Variants in AGTPBP1 observed in about 807,000 individuals in gnomAD.
AGTPBP1 encodes cytosolic carboxypeptidase 1.
In AGTPBP1, 70 loss-of-function variants were observed where a neutral mutation model predicts 143.9. That is an observed-to-expected ratio of 0.49 (90% CI 0.40 to 0.59). The LOEUF is 0.59. Ranked by LOEUF, AGTPBP1 falls within the 20% of genes least tolerant of loss-of-function variation. AGTPBP1 has a pLI of 0.00. For missense variants in AGTPBP1, 1,229 were observed against 1,464.5 expected, an observed-to-expected ratio of 0.84 and a Z score of 2.62; for synonymous variants, 463 against 500.2, an observed-to-expected ratio of 0.93 and a Z score of 0.99.
chr9:85,770,262 G>A, the AGTPBP1 span: 2 of 1,438,650 alleles, frequency 1.4e-6, no homozygotes, highest in Non-Finnish European at 9.8e-7. Flanking sequence ...CATTTAAAAT[G>A]AGTGATTTCT....
At chr9:85,776,243 A>G in the AGTPBP1 span, among the ~76,000 whole-genome samples, 1 of 152,264 alleles carries the variant, frequency 6.6e-6, no homozygotes, top group South Asian at 2.1e-4. Context: ...TCTTAGTACA[A>G]GTGTATACAT....
rs1832776026 is a variant in AGTPBP1 at position 85,645,831 on chromosome 9, T to C, written c.1185+490A>G. 3.9e-5 allele frequency among the ~76,000 whole-genome samples: 6 copies of C among 152,168 alleles called. No individual in the cohort carries two copies. In the South Asian group the frequency reaches 1.0e-3, roughly 26 times the overall value. On this transcript the variant is annotated intron_variant, in intron 12 of 25. Transcript: ENST00000357081. The stretch of plus-strand genomic sequence containing the variant: ...TGCCACCTTTACCTAACATCTTATG[T>C]AATATGACAATAATTTTATATTTTC...
chr9:85,789,428 T>C, the AGTPBP1 span, among the ~76,000 whole-genome samples: 1 of 152,334 alleles, frequency 6.6e-6, no homozygotes, highest in African/African-American at 2.4e-5. Flanking sequence ...GTTTGTGGTT[T>C]TCTTTTTTTT....
chr9:85,737,413 C>T (rs890193376), intron 1 of AGTPBP1, among the ~76,000 whole-genome samples: 1 of 152,138 alleles, frequency 6.6e-6, no homozygotes, highest in East Asian at 1.9e-4. Flanking sequence ...ATAAACTGAG[C>T]TTGTCACTTT....
intron 3 of AGTPBP1, among the ~76,000 whole-genome samples, chr9:85,687,122 T>C (rs527624472): frequency 6.6e-6 from 1 of 152,272 alleles, no homozygotes; most frequent in Non-Finnish European, 1.5e-5. Context: ...ACTTTAAGTC[T>C]AGAACTATTA....
chr9:85,559,449 A>G (rs976474200), intron 25 of AGTPBP1, among the ~76,000 whole-genome samples: 1 of 150,314 alleles, frequency 6.7e-6, no homozygotes, highest in Non-Finnish European at 1.5e-5. Flanking sequence ...AAAAAAAAAA[A>G]TCTTTTTTTT....
intron 1 of AGTPBP1, among the ~76,000 whole-genome samples, chr9:85,736,502 T>G (rs1823785455): frequency 6.6e-6 from 1 of 152,230 alleles, no homozygotes; most frequent in Non-Finnish European, 1.5e-5. Context: ...TAGAGAACAC[T>G]GTAGAGCTTA....
At chr9:85,663,882 A>C (rs767495287) in intron 8 of AGTPBP1, among the ~76,000 whole-genome samples, 3 of 152,132 alleles carry the variant, frequency 2.0e-5, no homozygotes, top group Non-Finnish European at 4.4e-5. Context: ...TATTTGTAAC[A>C]GTCAAAAACT....
the AGTPBP1 span, among the ~76,000 whole-genome samples, chr9:85,782,242 C>A: frequency 3.9e-5 from 6 of 152,170 alleles, no homozygotes; most frequent in Admixed American, 1.3e-4. Flanking sequence ...TGGCTAGGTG[C>A]GGTGGCTCAT....
At chr9:85,719,294 A>G (rs1837943168) in intron 1 of AGTPBP1, among the ~76,000 whole-genome samples, 1 of 152,212 alleles carries the variant, frequency 6.6e-6, no homozygotes, top group Non-Finnish European at 1.5e-5. Context: ...CTTCCTATCC[A>G]TAAGCATGGA....
At chr9:85,553,197 C>T (rs552989727) in intron 25 of AGTPBP1, among the ~76,000 whole-genome samples, 1 of 152,202 alleles carries the variant, frequency 6.6e-6, no homozygotes, top group South Asian at 2.1e-4. Flanking sequence ...AACTAGCATA[C>T]AGAATATCCA....
intron 25 of AGTPBP1, among the ~76,000 whole-genome samples, chr9:85,567,510 T>C (rs1176643819): frequency 6.6e-6 from 1 of 152,130 alleles, no homozygotes; most frequent in Non-Finnish European, 1.5e-5. Context: ...AAGAATCGCT[T>C]GAGCCTGGGA....
At chr9:85,731,361 A>C (rs1587997672) in intron 1 of AGTPBP1, among the ~76,000 whole-genome samples, 1 of 152,314 alleles carries the variant, frequency 6.6e-6, no homozygotes, top group East Asian at 1.9e-4. Flanking sequence ...GAACCCTCAC[A>C]CATTGCTGAC....
At chr9:85,742,248 A>T (rs1038898638), upstream of AGTPBP1, among the ~76,000 whole-genome samples, 14 of 152,004 alleles carry the variant, frequency 9.2e-5, no homozygotes, top group African/African-American at 3.4e-4. Flanking sequence ...AGCCCCGGCC[A>T]CCGCCCCTCC....
chr9:85,572,002 GT>G (rs1827503265), intron 25 of AGTPBP1, among the ~76,000 whole-genome samples: 1 of 85,288 alleles, frequency 1.2e-5, no homozygotes, highest in Non-Finnish European at 2.6e-5. Context: ...TTGTTTGTGT[GT>G]GTTTTTTTTT....
At chr9:85,630,399 TTTAG>T (rs1308379574) in intron 14 of AGTPBP1, among the ~76,000 whole-genome samples, 68 of 145,894 alleles carry the variant, frequency 4.7e-4, no homozygotes, top group African/African-American at 1.4e-3. Context: ...TACTTATTTA[TTTAG>T]TTATTTATTT....
At chr9:85,652,914 G>C (rs1002529084) in intron 11 of AGTPBP1, among the ~76,000 whole-genome samples, 3 of 152,142 alleles carry the variant, frequency 2.0e-5, no homozygotes, top group African/African-American at 7.2e-5. Context: ...TGTCAGAATT[G>C]AACTGAATTG....
intron 25 of AGTPBP1, among the ~76,000 whole-genome samples, chr9:85,569,934 CTGA>C (rs1473104254): frequency 3.3e-5 from 5 of 152,226 alleles, no homozygotes; most frequent in Non-Finnish European, 7.3e-5. Context: ...ACTTGCTCCT[CTGA>C]TGTTTTCTTC....
rs1318472029 is a variant in AGTPBP1, at chr9:85,653,228, G to A, written c.1087+1915C>T. On this transcript the variant is annotated intron_variant, in intron 11 of 25. Coordinates refer to ENST00000357081, the MANE Select transcript of AGTPBP1 (RefSeq NM_001330701.2). ...GAGACCAGCCTGGGAAACATGGGGG[G>A]AGGAAGGAGGAGGAGGAGGAAGGAA... Among the ~76,000 whole-genome samples the A allele has an allele frequency of 4.7e-5, 7 of 150,090 alleles. No homozygotes were observed. The Admixed American group carries it at 4.7e-4, about 10-fold the overall frequency.
Sources: allele counts gnomAD v4.1 joint callset (sites outside exome capture counted in the v4.1 genomes callset), GRCh38; gene constraint gnomAD v4.1.1; transcripts MANE v1.5; gene names NCBI Gene and HGNC (gene_info 2026-07-23, HGNC 2026-07-21).